Variants in PAG1 observed in about 807,000 individuals in gnomAD.
PAG1 encodes phosphoprotein associated with glycosphingolipid-enriched microdomains 1.
Under a neutral mutation model 31.7 loss-of-function variants are expected in PAG1, and 23 were observed. The observed-to-expected ratio is 0.73, with a 90% CI of 0.52 to 1.03. PAG1 has a LOEUF of 1.03. Ranked by LOEUF, PAG1 falls within the 50% of genes least tolerant of loss-of-function variation. The pLI, the probability that PAG1 is intolerant of heterozygous loss-of-function variation, is 0.00. For missense variants in PAG1, 473 were observed against 540.7 expected (o/e 0.87, Z 1.24); for synonymous variants, 214 against 210.3 (o/e 1.02, Z -0.15).
rs1331460849 is a variant in PAG1, at chr8:81,111,913, G to A, written c.-556C>T. The stretch of plus-strand genomic sequence containing the variant: ...GTGTCTCTGGCTCCAAGGGAATCAC[G>A]GCTCAATTAGGGACCTGCCAGGAGA... On this transcript the variant is annotated 5_prime_UTR_variant, in exon 1 of 9. Coordinates refer to ENST00000220597, the MANE Select transcript of PAG1 (RefSeq NM_018440.4). The A allele has an allele frequency of 6.6e-6, 1 of 152,186 alleles. No homozygotes were observed. The highest frequency in any genetic ancestry group is 2.4e-5 in the African/African-American group (1 of 41,436). The allele number at this position is 152,186 out of a possible 1,614,324, so 9.4% of individuals were successfully genotyped here.
chr8:81,090,818 A>T (rs1462855842), intron 1 of PAG1, among the ~76,000 whole-genome samples: 1 of 149,214 alleles, frequency 6.7e-6, no homozygotes, highest in African/African-American at 2.6e-5. Context: ...ACTGACCACC[A>T]GGGGTCTGAT....
rs1807124488 is a variant in PAG1 at position 80,973,732 on chromosome 8, A to G, written c.*2812T>C. ...AAAAGAAACCATAGGCTTTTGTCCA[A>G]CTCAAAGATTCAAGCCCAGATTCTG... On this transcript the variant is annotated 3_prime_UTR_variant, in exon 9 of 9. Coordinates refer to ENST00000220597, the MANE Select transcript of PAG1 (RefSeq NM_018440.4). 1 of 152,246 alleles carries G rather than the reference A, an allele frequency of 6.6e-6. No individual in the cohort carries two copies. Among genetic ancestry groups the G allele is most frequent in the African/African-American group, 2.4e-5 (1 of 41,460 alleles). 9.4% of individuals were successfully genotyped at this position (152,246 alleles called of 1,614,324 possible).
chr8:81,009,903 C>G (rs1361694496), intron 3 of PAG1, among the ~76,000 whole-genome samples: 1 of 152,230 alleles, frequency 6.6e-6, no homozygotes, highest in East Asian at 1.9e-4. Flanking sequence ...GTGTGAGCCA[C>G]TGTGCCCAGG....
intron 3 of PAG1, among the ~76,000 whole-genome samples, chr8:80,997,675 A>G (rs934803316): frequency 6.6e-6 from 1 of 152,266 alleles, no homozygotes; most frequent in African/African-American, 2.4e-5. Flanking sequence ...CTAACACTTA[A>G]TTTTGGCACC....
chr8:80,996,066 T>C (rs992182698), intron 3 of PAG1, among the ~76,000 whole-genome samples: 8 of 152,276 alleles, frequency 5.3e-5, no homozygotes, highest in Admixed American at 1.3e-4. Flanking sequence ...AGAATGATCA[T>C]CATCAGGTGC....
At chr8:81,077,358 C>T (rs759501301) in intron 1 of PAG1, among the ~76,000 whole-genome samples, 9 of 152,212 alleles carry the variant, frequency 5.9e-5, no homozygotes, top group African/African-American at 9.6e-5. Context: ...CTATTCCAAC[C>T]TTCTACAGCC....
At chr8:81,038,772 T>A (rs1046685541) in intron 2 of PAG1, among the ~76,000 whole-genome samples, 3 of 152,192 alleles carry the variant, frequency 2.0e-5, no homozygotes, top group African/African-American at 7.2e-5. Context: ...AATGTGCCCG[T>A]GTGTACACTC....
At position 80,976,920 on chromosome 8, in the gene PAG1, G is replaced by T. The variant is rs763545713; in HGVS notation, c.937-14C>A. Reference sequence around the variant, plus strand: ...CATAGCTGAGATCTAGGAGACAAAGGGAGAGTTGAATAAACTTCCAGCTGT... The same window carrying T: ...CATAGCTGAGATCTAGGAGACAAAGTGAGAGTTGAATAAACTTCCAGCTGT... On this transcript the variant is annotated splice_polypyrimidine_tract_variant and intron_variant, in intron 8 of 8. Coordinates refer to ENST00000220597, the MANE Select transcript of PAG1 (RefSeq NM_018440.4). The T allele has an allele frequency of 6.3e-7, 1 of 1,580,794 alleles. No homozygotes were observed. Among genetic ancestry groups the T allele is most frequent in the East Asian group, 2.2e-5 (1 of 44,630 alleles).
chr8:81,045,449 C>G (rs1808625798), intron 2 of PAG1, among the ~76,000 whole-genome samples: 1 of 152,182 alleles, frequency 6.6e-6, no homozygotes. Flanking sequence ...CTGATGTCCA[C>G]TGACTGTCTC....
At chr8:80,993,079 A>C (rs2016459) in intron 4 of PAG1, 24 bp downstream of exon 4, 537,358 of 1,573,262 alleles carry the variant, frequency 0.34, 101,899 homozygotes, top group African/African-American at 0.76. Context: ...TTTAAGGCAC[A>C]GGTATATACA....
At chr8:80,983,183 G>A in intron 7 of PAG1, among the ~76,000 whole-genome samples, 1 of 152,028 alleles carries the variant, frequency 6.6e-6, no homozygotes, top group East Asian at 1.9e-4. Context: ...CTAGCTTCAG[G>A]GGCCTCACAC....
chr8:81,007,313 A>C (rs1807899008), intron 3 of PAG1, among the ~76,000 whole-genome samples: 1 of 152,080 alleles, frequency 6.6e-6, no homozygotes, highest in Non-Finnish European at 1.5e-5. Context: ...ACAAGGTTCT[A>C]TTAAGAACTT....
At chr8:81,054,489 A>G (rs1808782155) in intron 2 of PAG1, among the ~76,000 whole-genome samples, 1 of 152,100 alleles carries the variant, frequency 6.6e-6, no homozygotes, top group Non-Finnish European at 1.5e-5. Flanking sequence ...CCTGGCTAAT[A>G]CGGTGAAACC....
At chr8:81,088,527 C>T (rs1283651393) in intron 1 of PAG1, among the ~76,000 whole-genome samples, 2 of 151,998 alleles carry the variant, frequency 1.3e-5, no homozygotes, top group African/African-American at 2.4e-5. Context: ...AGCAAAATGA[C>T]TATAATACAA....
At chr8:81,071,997 G>A (rs72507541) in intron 1 of PAG1, among the ~76,000 whole-genome samples, 3,828 of 152,246 alleles carry the variant, frequency 0.025, 78 homozygotes, top group South Asian at 0.099. Flanking sequence ...CTGCTTTAGA[G>A]GCTTAACCAG....
chr8:81,064,405 G>A (rs1043350410), intron 2 of PAG1, among the ~76,000 whole-genome samples: 33 of 152,142 alleles, frequency 2.2e-4, no homozygotes, highest in Non-Finnish European at 3.8e-4. Flanking sequence ...GAAAACCCCT[G>A]CTCTAAAGGA....
chr8:81,060,017 T>G (rs1037763554), intron 2 of PAG1, among the ~76,000 whole-genome samples: 4 of 139,740 alleles, frequency 2.9e-5, no homozygotes. Flanking sequence ...AGACTCCATC[T>G]AAAAAAAAAA....
chr8:81,059,961 T>G (rs1808891374), intron 2 of PAG1, among the ~76,000 whole-genome samples: 1 of 151,454 alleles, frequency 6.6e-6, no homozygotes, highest in Admixed American at 6.6e-5. Flanking sequence ...GAGGTTGCAG[T>G]GCGCCGAGAT....
intron 2 of PAG1, among the ~76,000 whole-genome samples, chr8:81,040,507 T>C (rs1485111545): frequency 6.6e-6 from 1 of 152,212 alleles, no homozygotes; most frequent in African/African-American, 2.4e-5. Flanking sequence ...AAGATTCTTC[T>C]GCAATGCCAT....
Sources: gnomAD v4.1 joint callset for allele counts (sites outside exome capture counted in the v4.1 genomes callset) on GRCh38, gnomAD v4.1.1 for gene constraint, MANE v1.5 for transcripts, NCBI Gene and HGNC (gene_info 2026-07-23, HGNC 2026-07-21) for gene names.